Variants in CCDC102B observed in about 807,000 individuals in gnomAD.
CCDC102B encodes coiled-coil domain containing 102B, also known as coiled-coil domain-containing protein 102B.
CCDC102B carries 75 observed loss-of-function variants against 57.4 expected under a neutral mutation model. That is an observed-to-expected ratio of 1.31 (90% CI 1.08 to 1.58). The LOEUF (loss-of-function observed/expected upper bound fraction) is 1.58. Ranked by LOEUF, CCDC102B falls within the 40% of genes most tolerant of loss-of-function variation. The pLI is 0.00. For synonymous variants in CCDC102B, 206 were observed against 201.9 expected (o/e 1.02, Z -0.17); for missense variants, 636 against 582.6 (o/e 1.09, Z -0.94).
chr18:68,741,764 C>G (rs970543036), intron 2 of CCDC102B, among the ~76,000 whole-genome samples: 1 of 151,746 alleles, frequency 6.6e-6, no homozygotes, highest in African/African-American at 2.4e-5. Flanking sequence ...GGCTTTCTTG[C>G]GAGAACAGGG....
chr18:68,784,055 G>T (rs2035100045), intron 2 of CCDC102B, among the ~76,000 whole-genome samples: 1 of 152,062 alleles, frequency 6.6e-6, no homozygotes, highest in Non-Finnish European at 1.5e-5. Flanking sequence ...AGCTGCACTG[G>T]CTTACCTCAC....
chr18:68,857,356 TATATATTTATTTCTATATATAA>T (rs1175571597), intron 4 of CCDC102B, among the ~76,000 whole-genome samples: 2,633 of 104,140 alleles, frequency 0.025, 83 homozygotes, highest in East Asian at 0.04. Flanking sequence ...ATTATAAATA[TATATATTTATTTCTATATATAA>T]ATATATATTT....
chr18:69,049,779 A>G (rs1203903139), intron 7 of CCDC102B, among the ~76,000 whole-genome samples: 1 of 152,106 alleles, frequency 6.6e-6, no homozygotes, highest in Admixed American at 6.5e-5. Context: ...CAGCTTATTC[A>G]GAGTATGTCA....
intron 6 of CCDC102B, among the ~76,000 whole-genome samples, chr18:68,914,097 C>G (rs907937518): frequency 6.6e-6 from 1 of 152,282 alleles, no homozygotes; most frequent in South Asian, 2.1e-4. Context: ...ATTATAATAA[C>G]CTTTGCAATA....
intron 7 of CCDC102B, among the ~76,000 whole-genome samples, chr18:69,047,700 T>C (rs943945639): frequency 3.0e-4 from 46 of 152,218 alleles, no homozygotes; most frequent in African/African-American, 8.4e-4. Context: ...AGTTTCAGGA[T>C]ACAAAATCAA....
chr18:68,931,774 G>A (rs1392304889), intron 6 of CCDC102B, among the ~76,000 whole-genome samples: 1 of 151,848 alleles, frequency 6.6e-6, no homozygotes, highest in East Asian at 1.9e-4. Context: ...ACCAAGCCTG[G>A]AAGTGGCAGG....
chr18:68,750,955 A>T (rs1030141557), intron 2 of CCDC102B, among the ~76,000 whole-genome samples: 2 of 150,694 alleles, frequency 1.3e-5, no homozygotes, highest in Admixed American at 6.6e-5. Flanking sequence ...TAATAATAAT[A>T]AAAAAAAACA....
intron 6 of CCDC102B, among the ~76,000 whole-genome samples, chr18:68,906,228 G>A (rs2040637359): frequency 6.6e-6 from 1 of 152,158 alleles, no homozygotes; most frequent in African/African-American, 2.4e-5. Context: ...TACATCTGCT[G>A]GTGGATGTTG....
At chr18:68,799,568 A>G (rs774789778) in intron 1 of CCDC102B, among the ~76,000 whole-genome samples, 1 of 152,172 alleles carries the variant, frequency 6.6e-6, no homozygotes, top group Non-Finnish European at 1.5e-5. Context: ...TACAAGACCA[A>G]TTGAATTCTG....
At chr18:68,915,130 T>C (rs2041022706) in intron 6 of CCDC102B, among the ~76,000 whole-genome samples, 1 of 152,226 alleles carries the variant, frequency 6.6e-6, no homozygotes, top group Non-Finnish European at 1.5e-5. Context: ...TAAGTAGATA[T>C]CACAAATACA....
At chr18:68,723,011 T>G (rs2032423178) in intron 2 of CCDC102B, among the ~76,000 whole-genome samples, 1 of 151,746 alleles carries the variant, frequency 6.6e-6, no homozygotes, top group Admixed American at 6.6e-5. Context: ...ACTGGGTAAT[T>G]TATAAAAAAA....
Position 68,958,182 on chromosome 18 carries a change from G to A in CCDC102B, c.1264-52752G>A, listed in dbSNP as rs557977029. ...GGGAAAGACCTGCCCTGGTGATTCA[G>A]TTACCTCCTACTGGGTCTCTCCCAC... On this transcript the variant is annotated intron_variant, in intron 6 of 7. Coordinates refer to ENST00000360242, the MANE Select transcript of CCDC102B (RefSeq NM_024781.3). 2.0e-5 allele frequency among the ~76,000 whole-genome samples: 3 copies of A among 152,216 alleles called. No homozygotes were observed. The East Asian group carries it at 5.8e-4, about 29-fold the overall frequency.
Position 68,810,680 on chromosome 18 carries a change from G to GTTTTTTTTTTTT in CCDC102B, c.-16+12515_-16+12526dup, listed in dbSNP as rs61714863. ...TGAAAAATTTTCTTTTCTTTTCTTT[G>GTTTTTTTTTTTT]TTTTTTTTTTTTTTTTTTTTTTTTT... On this transcript the variant is annotated intron_variant, in intron 1 of 7. Transcript: ENST00000360242. Among the ~76,000 whole-genome samples the GTTTTTTTTTTTT allele has an allele frequency of 3.1e-4, 24 of 77,048 alleles. 1 individual carries two copies. The highest frequency in any genetic ancestry group is 6.6e-4 in the Admixed American group (4 of 6,096). 50.5% of individuals were successfully genotyped at this position (77,048 alleles called of 152,430 possible).
intron 2 of CCDC102B, among the ~76,000 whole-genome samples, chr18:68,720,288 T>G (rs944123370): frequency 1.3e-5 from 2 of 152,238 alleles, no homozygotes; most frequent in African/African-American, 4.8e-5. Flanking sequence ...ATAATGATGC[T>G]TTTGTATCCA....
chr18:68,860,515 G>A (rs2038702536), intron 4 of CCDC102B, among the ~76,000 whole-genome samples: 1 of 122,030 alleles, frequency 8.2e-6, no homozygotes, highest in African/African-American at 2.8e-5. Flanking sequence ...CTGGCCTTCT[G>A]TTAGACCCCT....
intron 2 of CCDC102B, among the ~76,000 whole-genome samples, chr18:68,727,535 A>G (rs1023772365): frequency 4.6e-5 from 7 of 152,356 alleles, no homozygotes; most frequent in Admixed American, 2.0e-4. Context: ...CTGCTATGAT[A>G]TGCAGTGGGA....
chr18:69,029,707 G>A (rs2052087435), intron 7 of CCDC102B, among the ~76,000 whole-genome samples: 1 of 152,094 alleles, frequency 6.6e-6, no homozygotes, highest in Admixed American at 6.6e-5. Context: ...TCATTCTATT[G>A]ACTCTGTATT....
chr18:69,048,468 A>T (rs2052620166), intron 7 of CCDC102B, among the ~76,000 whole-genome samples: 1 of 152,082 alleles, frequency 6.6e-6, no homozygotes, highest in African/African-American at 2.4e-5. Flanking sequence ...AATATGTGTG[A>T]GTTTGATACA....
chr18:68,748,695 T>A (rs1399246407), intron 2 of CCDC102B, among the ~76,000 whole-genome samples: 1 of 152,168 alleles, frequency 6.6e-6, no homozygotes, highest in African/African-American at 2.4e-5. Context: ...CTATTTAATA[T>A]GTAGTAAGAC....
Sources: allele counts gnomAD v4.1 joint callset (sites outside exome capture counted in the v4.1 genomes callset), GRCh38; gene constraint gnomAD v4.1.1; transcripts MANE v1.5; gene names NCBI Gene and HGNC (gene_info 2026-07-23, HGNC 2026-07-21).